The following LRCH2 variants were observed in gnomAD, a reference collection of about 807,000 sequenced individuals.
LRCH2 encodes the protein leucine rich repeats and calponin homology domain containing 2, also known as leucine-rich repeat and calponin homology domain-containing protein 2.
In LRCH2, 38 loss-of-function variants were observed where a neutral mutation model predicts 68.9. The ratio of observed to expected loss-of-function variants is 0.55; its 90% confidence interval spans 0.43 to 0.72. LRCH2 has a LOEUF of 0.72. Ranked by LOEUF, LRCH2 falls within the 30% of genes least tolerant of loss-of-function variation. The probability of loss-of-function intolerance (pLI) is 0.00; values close to 1 mark genes in which losing one functional copy is unlikely to be tolerated. For synonymous variants in LRCH2, 191 were observed against 208.1 expected (o/e 0.92, Z 0.71); for missense variants, 528 against 572.9 (o/e 0.92, Z 0.80).
chrX:115,155,765 A>G (rs782747779), intron 12 of LRCH2, among the ~76,000 whole-genome samples: 3 of 111,743 alleles, frequency 2.7e-5, no homozygotes, highest in East Asian at 5.6e-4. Context: ...TGTGGCTCAG[A>G]GTAAGCTAAA....
chrX:115,149,860 C>T lies in LRCH2; in HGVS notation c.1662G>A (p.Arg554=), dbSNP rs1345458795. The T allele has an allele frequency of 6.7e-6, 8 of 1,198,673 alleles. No homozygotes were observed. The African/African-American group carries it at 1.4e-4, about 21-fold the overall frequency. Residue 554 remains arginine, a synonymous_variant, in exon 14 of 21, where the codon AGG becomes AGA. Coordinates refer to ENST00000317135, the MANE Select transcript of LRCH2 (RefSeq NM_020871.4). ...ATTCTTTTCTAATCTGTTTGCTCCG[C>T]CTCCTTTCTTCACTCTGCCAGATTA... is the stretch of plus-strand genomic sequence containing the variant. The part of the protein sequence containing the change: ...HPIIWQSEER[R]RSKQIRKEYF...
At chrX:115,145,640 A>C (rs1164615640) in intron 14 of LRCH2, among the ~76,000 whole-genome samples, 1 of 112,091 alleles carries the variant, frequency 8.9e-6, no homozygotes, top group Non-Finnish European at 1.9e-5. Flanking sequence ...ATGTGAATAG[A>C]CATTTCTGAA....
intron 14 of LRCH2, among the ~76,000 whole-genome samples, chrX:115,144,139 A>G (rs1406945574): frequency 9.0e-6 from 1 of 111,363 alleles, no homozygotes; most frequent in African/African-American, 3.3e-5. Context: ...GTTTCCCTGC[A>G]CAAGCTCTCT....
chrX:115,137,849 T>C (rs2147359633), intron 14 of LRCH2, among the ~76,000 whole-genome samples: 1 of 110,817 alleles, frequency 9.0e-6, no homozygotes, highest in South Asian at 3.9e-4. Context: ...CTCGGGAGGC[T>C]GAGGCAGGAG....
intron 14 of LRCH2, among the ~76,000 whole-genome samples, chrX:115,145,137 C>T (rs1556535599): frequency 9.0e-6 from 1 of 111,403 alleles, no homozygotes; most frequent in Non-Finnish European, 1.9e-5. Context: ...CCAGAAACAA[C>T]TTCACACACC....
chrX:115,201,160 A>C (rs2072927386), intron 1 of LRCH2, among the ~76,000 whole-genome samples: 1 of 110,822 alleles, frequency 9.0e-6, no homozygotes, highest in Admixed American at 9.6e-5. Context: ...AAACCATCAG[A>C]TGTCATGAGA....
At chrX:115,198,277 G>C (rs945700318) in intron 1 of LRCH2, among the ~76,000 whole-genome samples, 1 of 111,312 alleles carries the variant, frequency 9.0e-6, no homozygotes, top group African/African-American at 3.3e-5. Context: ...GCAAGATTTA[G>C]ACATCCAGAC....
chrX:115,161,819 G>T (rs1455036814), intron 11 of LRCH2, among the ~76,000 whole-genome samples: 1 of 110,800 alleles, frequency 9.0e-6, no homozygotes, highest in East Asian at 2.8e-4. Context: ...AAACTAATAT[G>T]CTAATAAGAA....
At chrX:115,191,685 C>T (rs943775900) in intron 1 of LRCH2, 23 of 1,159,336 alleles carry the variant, frequency 2.0e-5, no homozygotes, top group African/African-American at 1.3e-4. Flanking sequence ...GTCGCTCACT[C>T]GATGCCAACA....
In LRCH2 at chrX:115,126,871, A is replaced by T; in HGVS notation, c.1763T>A (p.Met588Lys). 1 of 1,079,110 alleles carries T rather than the reference A, an allele frequency of 9.3e-7. No homozygotes were observed. The highest frequency in any genetic ancestry group is 1.2e-6 in the Non-Finnish European group (1 of 822,911). The allele number at this position is 1,079,110 out of a possible 1,213,427, so 88.9% of individuals were successfully genotyped here. A position where few individuals can be genotyped will look rare whatever the true frequency, so the allele number is the denominator to read the frequency against. The change falls in exon 16 of 21, where the codon ATG (methionine) becomes AAG (lysine). Residue 588 changes from methionine (M) to lysine (K), a missense_variant. Coordinates refer to ENST00000317135, the MANE Select transcript of LRCH2 (RefSeq NM_020871.4). ...NDEQDSDNANMSTQSPVSSEE... is the reference protein window; with the variant it reads ...NDEQDSDNANKSTQSPVSSEE... The stretch of plus-strand genomic sequence containing the variant: ...AGATGATACTGGAGATTGTGTTGAC[A>T]TATTAGCATTATCACTGTCTTGCTA...
intron 11 of LRCH2, among the ~76,000 whole-genome samples, chrX:115,157,083 C>G (rs2072480872): frequency 1.8e-5 from 2 of 110,878 alleles, no homozygotes; most frequent in African/African-American, 6.5e-5. Flanking sequence ...AATGCAAAAT[C>G]AGCGCTCCAG....
rs1603082108 is a variant in LRCH2 at position 115,192,254 on chromosome X, G to A, written c.350-3884C>T. The A allele has an allele frequency of 1.7e-6, 2 of 1,160,692 alleles. No individual in the cohort carries two copies. Among genetic ancestry groups the A allele is most frequent in the Non-Finnish European group, 2.3e-6 (2 of 870,694 alleles). On this transcript the variant is annotated intron_variant, in intron 1 of 20. Transcript: ENST00000317135. ...CTCAACAGTTCCAACAACAGTCATG[G>A]CCGGAGCCACCGCTACGGAGGAGGA...
At chrX:115,218,581 C>T (rs1242404751) in intron 1 of LRCH2, among the ~76,000 whole-genome samples, 1 of 112,327 alleles carries the variant, frequency 8.9e-6, no homozygotes, top group Non-Finnish European at 1.9e-5. Context: ...TTTTTTGCAA[C>T]CAATCAGACT....
chrX:115,187,139 T>G (rs782673362), intron 2 of LRCH2, among the ~76,000 whole-genome samples: 1 of 111,768 alleles, frequency 8.9e-6, no homozygotes, highest in South Asian at 3.7e-4. Flanking sequence ...CTCACACATT[T>G]TAAGGTGTAA....
At chrX:115,156,371 G>C (rs1286973851) in intron 12 of LRCH2, among the ~76,000 whole-genome samples, 1 of 111,306 alleles carries the variant, frequency 9.0e-6, no homozygotes, top group East Asian at 2.8e-4. Context: ...ACAAATAAAT[G>C]ATTCTATCAA....
At chrX:115,144,380 T>G (rs1287515958) in intron 14 of LRCH2, among the ~76,000 whole-genome samples, 1 of 111,213 alleles carries the variant, frequency 9.0e-6, no homozygotes, top group Admixed American at 9.6e-5. Context: ...GCCTTTCCCC[T>G]AAGATCTAAA....
intron 1 of LRCH2, chrX:115,191,403 C>G: frequency 8.7e-7 from 1 of 1,155,102 alleles, no homozygotes; most frequent in Non-Finnish European, 1.2e-6. Flanking sequence ...GTGGGGGCCA[C>G]GACAGTTCTG....
At chrX:115,147,967 A>G (rs187530841) in intron 14 of LRCH2, among the ~76,000 whole-genome samples, 222 of 111,319 alleles carry the variant, frequency 2.0e-3, no homozygotes, top group Non-Finnish European at 1.8e-3. Flanking sequence ...CAAGAGGATC[A>G]CGTGAGCCCA....
intron 1 of LRCH2, among the ~76,000 whole-genome samples, chrX:115,217,170 G>C (rs1160942173): frequency 9.0e-6 from 1 of 111,217 alleles, no homozygotes; most frequent in Non-Finnish European, 1.9e-5. Flanking sequence ...TAATAGTCTA[G>C]ACTTCATCAC....
Sources: gnomAD v4.1 joint callset for allele counts (sites outside exome capture counted in the v4.1 genomes callset) on GRCh38, gnomAD v4.1.1 for gene constraint, MANE v1.5 for transcripts, NCBI Gene and HGNC (gene_info 2026-07-23, HGNC 2026-07-21) for gene names.